The following RORA variants were observed in gnomAD, a reference collection of about 807,000 sequenced individuals.
The protein encoded by RORA is RAR related orphan receptor A.
A neutral mutation model predicts 69.5 loss-of-function variants in RORA; 7 were observed. The ratio of observed to expected loss-of-function variants is 0.10; its 90% CI spans 0.06 to 0.19. The LOEUF is 0.19. Among genes scored for constraint, RORA ranks in the 10% least tolerant of loss-of-function variants. The pLI, the probability that RORA is intolerant of heterozygous loss-of-function variation, is 1.00. For synonymous variants in RORA, 261 were observed against 240.8 expected, an observed-to-expected ratio of 1.08 and a Z score of -0.78; for missense variants, 457 against 663.0, an observed-to-expected ratio of 0.69 and a Z score of 3.41.
At chr15:60,539,350 C>T (rs1468943623) in intron 2 of RORA, among the ~76,000 whole-genome samples, 1 of 152,188 alleles carries the variant, frequency 6.6e-6, no homozygotes, top group Non-Finnish European at 1.5e-5. Flanking sequence ...GAGAAACTGA[C>T]TCACATTCCC....
chr15:60,826,879 C>G (rs747034305), intron 1 of RORA, among the ~76,000 whole-genome samples: 4 of 151,688 alleles, frequency 2.6e-5, no homozygotes, highest in African/African-American at 4.9e-5. Context: ...TTCCTAAACC[C>G]TAAGACAATC....
At chr15:60,968,742 A>G (rs1362953969) in intron 1 of RORA, among the ~76,000 whole-genome samples, 2 of 150,494 alleles carry the variant, frequency 1.3e-5, no homozygotes, top group African/African-American at 2.4e-5. Flanking sequence ...TTTGTAGTGT[A>G]TTTTCTTACA....
intron 2 of RORA, among the ~76,000 whole-genome samples, chr15:60,631,327 C>G (rs1396030844): frequency 6.6e-6 from 1 of 152,124 alleles, no homozygotes; most frequent in Non-Finnish European, 1.5e-5. Context: ...ACAGTTTTCC[C>G]CCTCATATTA....
In RORA at chr15:60,723,782, T is replaced by G. The variant is rs565006944; in HGVS notation, c.167-45096A>C. Among the ~76,000 whole-genome samples, 144 of 152,290 alleles carry G rather than the reference T, an allele frequency of 9.5e-4. 1 individual carries two copies. The highest frequency in any genetic ancestry group is 1.6e-3 in the Non-Finnish European group (107 of 68,024). On this transcript the variant is annotated intron_variant, in intron 1 of 10. Transcript: ENST00000335670. ...TGAGTGCTTACTACATGCAAGATCT[T>G]GCTCTTGGGGCTTGGAGGCTACAAG...
intron 1 of RORA, among the ~76,000 whole-genome samples, chr15:60,876,522 T>G (rs559772027): frequency 6.6e-6 from 1 of 152,306 alleles, no homozygotes; most frequent in South Asian, 2.1e-4. Context: ...CTTCACACAT[T>G]TTTTTAAAAC....
intron 1 of RORA, among the ~76,000 whole-genome samples, chr15:60,895,499 C>A (rs1052523993): frequency 6.6e-6 from 1 of 152,136 alleles, no homozygotes; most frequent in Non-Finnish European, 1.5e-5. Flanking sequence ...TCTCAACAGT[C>A]GTAAATGGGT....
intron 1 of RORA, among the ~76,000 whole-genome samples, chr15:61,026,132 C>A (rs561450303): frequency 2.0e-5 from 3 of 152,176 alleles, no homozygotes; most frequent in Admixed American, 2.0e-4. Context: ...CATCAGTCTT[C>A]GTGAGCTACC....
At chr15:60,566,473 A>T (rs1470819408) in intron 2 of RORA, among the ~76,000 whole-genome samples, 2 of 152,192 alleles carry the variant, frequency 1.3e-5, no homozygotes, top group Non-Finnish European at 2.9e-5. Context: ...ATACTGGTGG[A>T]TGGATAAGCA....
At chr15:61,229,024 C>T (rs1032092565) in intron 1 of RORA, 29 bp downstream of exon 1, 1 of 1,306,028 alleles carries the variant, frequency 7.7e-7, no homozygotes, top group Non-Finnish European at 9.9e-7. Context: ...TCCCGCCGCC[C>T]CCTCCCCAGC....
chr15:60,999,311 A>G (rs544241267), intron 1 of RORA, among the ~76,000 whole-genome samples: 258 of 152,212 alleles, frequency 1.7e-3, no homozygotes, highest in African/African-American at 6.1e-3. Context: ...CCATTTGAAC[A>G]TGGGGTTCTC....
intron 2 of RORA, chr15:60,558,365 C>T: frequency 1.8e-6 from 2 of 1,105,562 alleles, no homozygotes; most frequent in South Asian, 1.3e-5. Context: ...AATTAGTTGG[C>T]CACTGCCTTG....
At chr15:60,839,975 G>A (rs1269589257) in intron 1 of RORA, among the ~76,000 whole-genome samples, 2 of 152,284 alleles carry the variant, frequency 1.3e-5, no homozygotes, top group Admixed American at 6.5e-5. Context: ...GAGACTGGAG[G>A]AGGAAGTAAG....
chr15:60,924,171 AC>A (rs1448481790), intron 1 of RORA, among the ~76,000 whole-genome samples: 2 of 151,862 alleles, frequency 1.3e-5, no homozygotes, highest in Non-Finnish European at 2.9e-5. Context: ...CTTGTTGACA[AC>A]TTATCTCCTG....
intron 1 of RORA, chr15:61,211,777 G>A (rs1385776091): frequency 6.6e-6 from 1 of 152,170 alleles, no homozygotes; most frequent in African/African-American, 2.4e-5. Flanking sequence ...TTGTTTTAAG[G>A]CAACAGGTCT....
intron 2 of RORA, among the ~76,000 whole-genome samples, chr15:60,584,215 A>C (rs192424256): frequency 7.2e-5 from 11 of 152,336 alleles, no homozygotes; most frequent in Non-Finnish European, 1.5e-4. Flanking sequence ...TGACAGAATC[A>C]AACTCTGTGT....
Position 60,772,094 on chromosome 15 carries a change from C to T in RORA, c.167-93408G>A, listed in dbSNP as rs117095422. On this transcript the variant is annotated intron_variant, in intron 1 of 10. Coordinates refer to ENST00000335670, the MANE Select transcript of RORA (RefSeq NM_134261.3). ...ATATTATACTTTAAGTTCTAGGATACAAGTGCATAACGTGCAGGTTTGACA... is the reference window on the plus strand; with the variant it reads ...ATATTATACTTTAAGTTCTAGGATATAAGTGCATAACGTGCAGGTTTGACA... Among the ~76,000 whole-genome samples, 331 of 151,944 alleles carry T rather than the reference C, an allele frequency of 2.2e-3. 2 individuals carry two copies. The East Asian group carries it at 0.03, about 14-fold the overall frequency.
chr15:60,838,175 A>G (rs1036418771), intron 1 of RORA, among the ~76,000 whole-genome samples: 6 of 151,792 alleles, frequency 4.0e-5, no homozygotes, highest in African/African-American at 7.3e-5. Flanking sequence ...CCTCTATCCT[A>G]TTGTTTCTGC....
chr15:60,912,910 A>C (rs1304912821), intron 1 of RORA, among the ~76,000 whole-genome samples: 1 of 152,198 alleles, frequency 6.6e-6, no homozygotes, highest in Non-Finnish European at 1.5e-5. Context: ...TATACCACAA[A>C]ATCCACACAT....
rs898154644 is a variant in RORA, at chr15:60,488,504, T to C, written c.*8951A>G. ...CTTGTATTTACAAAATGAATCAAAA[T>C]ATTTTTTTTTTAAATTCAGGACTCA... On this transcript the variant is annotated 3_prime_UTR_variant, in exon 11 of 11. Transcript: ENST00000335670. The C allele has an allele frequency of 1.3e-4, 20 of 152,082 alleles. No homozygotes were observed. The highest frequency in any genetic ancestry group is 4.3e-4 in the African/African-American group (18 of 41,398). 9.4% of individuals were successfully genotyped at this position (152,082 alleles called of 1,614,324 possible). A position where few individuals can be genotyped will look rare whatever the true frequency, so the allele number is the denominator to read the frequency against.
Sources: gnomAD v4.1 joint callset for allele counts (sites outside exome capture counted in the v4.1 genomes callset) on GRCh38, gnomAD v4.1.1 for gene constraint, MANE v1.5 for transcripts, NCBI Gene and HGNC (gene_info 2026-07-23, HGNC 2026-07-21) for gene names.